NUDCD1: variants seen among roughly 807,000 people sequenced by gnomAD.
NUDCD1 encodes the protein nudC domain-containing protein 1.
Under a neutral mutation model 67.8 loss-of-function variants are expected in NUDCD1, and 60 were observed. That is an observed-to-expected ratio of 0.88 (90% CI 0.72 to 1.10). The LOEUF (loss-of-function observed/expected upper bound fraction) is 1.10. Among genes scored for constraint, NUDCD1 ranks in the 50% least tolerant of loss-of-function variants. The pLI is 0.00. For missense variants in NUDCD1, 643 were observed against 695.0 expected (o/e 0.93, Z 0.84); for synonymous variants, 244 against 230.8 (o/e 1.06, Z -0.52).
chr8:109,298,366 T>C (rs1814895572), intron 2 of NUDCD1, among the ~76,000 whole-genome samples: 1 of 152,222 alleles, frequency 6.6e-6, no homozygotes, highest in East Asian at 1.9e-4. Context: ...GTAGGTCACA[T>C]CATTTAGAGC....
chr8:109,302,609 C>A lies in NUDCD1; in HGVS notation c.274-6040G>T, dbSNP rs573647060. 2.3e-3 allele frequency among the ~76,000 whole-genome samples: 350 copies of A among 152,288 alleles called. 2 individuals are homozygous for A. Among genetic ancestry groups the A allele is most frequent in the African/African-American group, 7.9e-3 (330 of 41,560 alleles). Reference sequence around the variant, plus strand: ...GCTTAGTTTCGTTCTGTGACTAGCCCTCCCCCACCTGCCCAACGATTTCCT... The same window carrying A: ...GCTTAGTTTCGTTCTGTGACTAGCCATCCCCCACCTGCCCAACGATTTCCT... On this transcript the variant is annotated intron_variant, in intron 2 of 9. Transcript: ENST00000239690.
intron 1 of NUDCD1, among the ~76,000 whole-genome samples, chr8:109,326,149 C>A (rs1029256354): frequency 3.3e-5 from 5 of 152,218 alleles, no homozygotes; most frequent in African/African-American, 1.2e-4. Flanking sequence ...GACCTCTGGG[C>A]AATCCTGAAC....
intron 2 of NUDCD1, among the ~76,000 whole-genome samples, chr8:109,310,667 G>A (rs1038676217): frequency 1.3e-5 from 2 of 152,096 alleles, no homozygotes; most frequent in East Asian, 3.9e-4. Flanking sequence ...GGAACAGTCA[G>A]CAGAATAAAG....
At chr8:109,331,099 T>G (rs1024249756) in intron 1 of NUDCD1, among the ~76,000 whole-genome samples, 1 of 151,862 alleles carries the variant, frequency 6.6e-6, no homozygotes, top group Non-Finnish European at 1.5e-5. Context: ...TCCCAGCACT[T>G]TGGGAGGCCG....
rs769877583 is a variant in NUDCD1 at position 109,243,170 on chromosome 8, A to T, written c.1591T>A (p.Tyr531Asn). The T allele has an allele frequency of 1.1e-5, 18 of 1,613,894 alleles. No homozygotes were observed. In the South Asian group the frequency reaches 1.9e-4, roughly 17 times the overall value. Residue 531 changes from tyrosine (Y) to asparagine (N), a missense_variant, in exon 10 of 10, where the codon TAC (tyrosine) becomes AAC (asparagine). Physicochemically the swap from Tyr to Asn is moderately radical, Grantham distance 143 (BLOSUM62 -2). Transcript: ENST00000239690. ...ACTTGCCTGCCTTCCTTTCTGTTGTAAAGTACAGTGGACATGGGAGCAGGC... is the reference window on the plus strand; with the variant it reads ...ACTTGCCTGCCTTCCTTTCTGTTGTTAAGTACAGTGGACATGGGAGCAGGC... The part of the protein sequence containing the change: ...RQPAPMSTVL[Y>N]NRKEGRQVGQ...
intron 8 of NUDCD1, among the ~76,000 whole-genome samples, chr8:109,263,755 C>T (rs1348729468): frequency 6.6e-6 from 1 of 152,004 alleles, no homozygotes. Flanking sequence ...TCAGGGGGTC[C>T]ATAGGCTTAA....
intron 1 of NUDCD1, among the ~76,000 whole-genome samples, chr8:109,330,179 G>A (rs1000494974): frequency 1.3e-5 from 2 of 152,216 alleles, no homozygotes; most frequent in African/African-American, 4.8e-5. Context: ...ATTACAATTT[G>A]ATTAAAAATA....
intron 8 of NUDCD1, among the ~76,000 whole-genome samples, chr8:109,257,386 CAA>C (rs577256046): frequency 6.2e-4 from 94 of 152,068 alleles, no homozygotes; most frequent in South Asian, 2.3e-3. Flanking sequence ...TTCCAAAATA[CAA>C]AATATCGGGA....
intron 8 of NUDCD1, among the ~76,000 whole-genome samples, chr8:109,258,182 T>G (rs2129905036): frequency 6.6e-6 from 1 of 152,292 alleles, no homozygotes; most frequent in South Asian, 2.1e-4. Flanking sequence ...GCAGCCCATC[T>G]GTAACTGATT....
rs1813381172 is a variant in NUDCD1 at position 109,242,145 on chromosome 8, T to G, written c.*864A>C. ...GTCAGCTTGTGTAGTCCCCTCATTC[T>G]GACTCTAGACTTGGCCATGTGATTT... On this transcript the variant is annotated 3_prime_UTR_variant, in exon 10 of 10. Transcript: ENST00000239690. 1 of 397,964 alleles carries G rather than the reference T, an allele frequency of 2.5e-6. No individual in the cohort carries two copies. Among genetic ancestry groups the G allele is most frequent in the African/African-American group, 2.1e-5 (1 of 48,588 alleles). The allele number at this position is 397,964 out of a possible 1,614,324, so 24.7% of individuals were successfully genotyped here. A position where few individuals can be genotyped will look rare whatever the true frequency, so the allele number is the denominator to read the frequency against.
At chr8:109,259,638 G>C (rs1813821362) in intron 8 of NUDCD1, among the ~76,000 whole-genome samples, 1 of 152,138 alleles carries the variant, frequency 6.6e-6, no homozygotes, top group Non-Finnish European at 1.5e-5. Flanking sequence ...TTGAGTACTG[G>C]GAAGATGGTT....
chr8:109,314,325 G>C (rs1373951352), intron 2 of NUDCD1, among the ~76,000 whole-genome samples: 1 of 152,144 alleles, frequency 6.6e-6, no homozygotes, highest in Non-Finnish European at 1.5e-5. Context: ...TACTGAATCA[G>C]TATAATGTAT....
At chr8:109,286,848 G>A (rs1037910138) in intron 5 of NUDCD1, among the ~76,000 whole-genome samples, 1 of 152,052 alleles carries the variant, frequency 6.6e-6, no homozygotes, top group African/African-American at 2.4e-5. Context: ...TAGAATCAGA[G>A]AAAATATTTG....
intron 5 of NUDCD1, among the ~76,000 whole-genome samples, chr8:109,283,795 A>G (rs1814509805): frequency 6.6e-6 from 1 of 152,164 alleles, no homozygotes; most frequent in East Asian, 1.9e-4. Context: ...AAACAGGGAA[A>G]CAAAAGAACA....
intron 4 of NUDCD1, 25 bp downstream of exon 4, chr8:109,293,319 A>T: frequency 7.4e-7 from 1 of 1,344,450 alleles, no homozygotes; most frequent in Non-Finnish European, 1.0e-6. Context: ...CAACCAGTAG[A>T]GACAGATTCA....
chr8:109,243,419 A>C, intron 9 of NUDCD1, 118 bp from the exon 10 acceptor site: 1 of 732,600 alleles, frequency 1.4e-6, no homozygotes, highest in South Asian at 2.3e-5. Context: ...CCCAAGTAAA[A>C]TATATACCAT....
intron 8 of NUDCD1, among the ~76,000 whole-genome samples, chr8:109,263,277 CT>C (rs1384555637): frequency 6.6e-6 from 1 of 151,992 alleles, no homozygotes. Flanking sequence ...CCCTCCAGTA[CT>C]ATGGGCAAAA....
intron 2 of NUDCD1, among the ~76,000 whole-genome samples, chr8:109,301,700 T>C (rs1563677811): frequency 6.6e-6 from 1 of 152,192 alleles, no homozygotes; most frequent in East Asian, 1.9e-4. Flanking sequence ...TCTCCCTCTC[T>C]TACTACCCTT....
intron 5 of NUDCD1, among the ~76,000 whole-genome samples, chr8:109,285,066 G>A (rs1814543028): frequency 6.6e-6 from 1 of 150,424 alleles, no homozygotes; most frequent in Non-Finnish European, 1.5e-5. Context: ...AAAATCCAGA[G>A]AAAATGGATA....
Sources: allele counts gnomAD v4.1 joint callset (sites outside exome capture counted in the v4.1 genomes callset), GRCh38; gene constraint gnomAD v4.1.1; transcripts MANE v1.5; gene names NCBI Gene and HGNC (gene_info 2026-07-23, HGNC 2026-07-21).